GANC: variants seen among roughly 807,000 people sequenced by gnomAD.
GANC encodes the protein neutral alpha-glucosidase C.
GANC carries 117 observed loss-of-function variants against 124.2 expected under a neutral mutation model. That is an observed-to-expected ratio of 0.94 (90% CI 0.81 to 1.10). The LOEUF (loss-of-function observed/expected upper bound fraction) is 1.10, where lower values mean the gene tolerates loss of function less well. Ranked by LOEUF, GANC falls within the 50% of genes least tolerant of loss-of-function variation. GANC has a pLI of 0.00. For synonymous variants in GANC, 377 were observed against 376.8 expected (o/e 1.00, Z -0.01); for missense variants, 1,140 against 1,095.0 (o/e 1.04, Z -0.58).
At chr15:42,283,823 C>T (rs774166789) in intron 3 of GANC, 1 of 702,592 alleles carries the variant, frequency 1.4e-6, no homozygotes, top group South Asian at 1.5e-5. Flanking sequence ...CAGGAACAGG[C>T]AGCTAATTTG....
chr15:42,310,557 C>T (rs2052040881), intron 9 of GANC, 94 bp downstream of exon 9: 1 of 1,453,316 alleles, frequency 6.9e-7, no homozygotes, highest in African/African-American at 1.4e-5. Flanking sequence ...TGGCACTTCT[C>T]TGCCAACAAA....
Position 42,280,400 on chromosome 15 carries a change from G to A in GANC, c.201+1810G>A, listed in dbSNP as rs17694565. On this transcript the variant is annotated intron_variant, in intron 3 of 23. Coordinates refer to ENST00000318010, the MANE Select transcript of GANC (RefSeq NM_198141.3). ...TAGCCTAGTTTGGTAACTGTTCATG[G>A]AGAAAAAAATGGGACAGCACTAATT... is the stretch of plus-strand genomic sequence containing the variant. Among the ~76,000 whole-genome samples, 651 of 152,022 alleles carry A rather than the reference G, an allele frequency of 4.3e-3. 10 individuals are homozygous for A. The highest frequency in any genetic ancestry group is 0.032 in the South Asian group (154 of 4,826).
At position 42,274,375 on chromosome 15, in the gene GANC, T is replaced by A; in HGVS notation, c.-107T>A. On this transcript the variant is annotated 5_prime_UTR_variant, in exon 1 of 24. It removes an upstream start codon present in the reference 5' UTR. Coordinates refer to ENST00000318010, the MANE Select transcript of GANC (RefSeq NM_198141.3). ...GACTCCCTTCCCAGAAACTTGACGA[T>A]GAAGTACTGGTTGTAATTTTAGAAA... The A allele has an allele frequency of 8.6e-7, 1 of 1,160,806 alleles. No individual in the cohort carries two copies. Among genetic ancestry groups the A allele is most frequent in the Non-Finnish European group, 1.2e-6 (1 of 802,046 alleles). 71.9% of individuals were successfully genotyped at this position (1,160,806 alleles called of 1,614,324 possible). A position where few individuals can be genotyped will look rare whatever the true frequency, so the allele number is the denominator to read the frequency against.
chr15:42,310,752 T>C lies in GANC; in HGVS notation c.963T>C (p.His321=), dbSNP rs2052043175. The change falls in exon 10 of 24, where the codon CAT becomes CAC. Residue 321 remains histidine (H), a synonymous_variant. Transcript: ENST00000318010. ...AAKQKVRSRT[H]VHWMSESGII... ...AACAAAAGGTCAGATCTCGCACTCA[T>C]GTGCACTGGATGTCAGAGAGTGGCA... is the stretch of plus-strand genomic sequence containing the variant. The C allele has an allele frequency of 6.2e-7, 1 of 1,614,148 alleles. No homozygotes were observed. Among genetic ancestry groups the C allele is most frequent in the Non-Finnish European group, 8.5e-7 (1 of 1,179,992 alleles).
chr15:42,328,803 G>A (rs2578651), intron 13 of GANC, among the ~76,000 whole-genome samples: 147,671 of 152,320 alleles, frequency 0.97, 71,699 homozygotes, highest in Non-Finnish European at 1. Context: ...AAACTGAACA[G>A]TTCTGTGTAG....
intron 18 of GANC, among the ~76,000 whole-genome samples, chr15:42,342,521 G>A (rs370939913): frequency 6.6e-6 from 1 of 152,176 alleles, no homozygotes; most frequent in East Asian, 1.9e-4. Context: ...GTTAGAGGTT[G>A]CAGTAAGCTG....
chr15:42,295,948 C>A (rs2051887800), intron 5 of GANC, among the ~76,000 whole-genome samples: 1 of 152,048 alleles, frequency 6.6e-6, no homozygotes, highest in Non-Finnish European at 1.5e-5. Context: ...TTGAGACCAG[C>A]CTGGCCAACA....
intron 16 of GANC, 134 bp downstream of exon 16, chr15:42,338,624 A>G: frequency 2.9e-6 from 2 of 685,036 alleles, no homozygotes; most frequent in Admixed American, 4.7e-5. Context: ...AATGTGAGAA[A>G]GTGAAGAGGA....
intron 22 of GANC, among the ~76,000 whole-genome samples, 156 bp downstream of exon 22, chr15:42,349,651 T>A (rs1390116768): frequency 6.6e-6 from 1 of 152,056 alleles, no homozygotes; most frequent in African/African-American, 2.4e-5. Flanking sequence ...TCTTTTCTTT[T>A]CTTTTTTTTT....
chr15:42,291,013 A>G (rs1284154499), intron 4 of GANC, among the ~76,000 whole-genome samples: 1 of 151,886 alleles, frequency 6.6e-6, no homozygotes. Context: ...GGGGATTCCA[A>G]TTCTCCTGTG....
At chr15:42,343,186 G>A in intron 19 of GANC, 32 bp downstream of exon 19, 1 of 1,554,692 alleles carries the variant, frequency 6.4e-7, no homozygotes, top group Non-Finnish European at 8.9e-7. Flanking sequence ...TATCTGATAT[G>A]TCTCATATCT....
At chr15:42,311,420 G>C (rs2052048671) in intron 10 of GANC, among the ~76,000 whole-genome samples, 1 of 152,144 alleles carries the variant, frequency 6.6e-6, no homozygotes, top group South Asian at 2.1e-4. Flanking sequence ...AAAATTACTA[G>C]AGGTAGTAAA....
intron 5 of GANC, among the ~76,000 whole-genome samples, chr15:42,294,091 C>G (rs1478796291): frequency 1.3e-5 from 2 of 151,136 alleles, no homozygotes; most frequent in Non-Finnish European, 2.9e-5. Context: ...CTTTTGTAAA[C>G]CCCGATGATT....
At chr15:42,351,942 A>G in intron 23 of GANC, 88 bp from the exon 24 acceptor site, 1 of 1,525,226 alleles carries the variant, frequency 6.6e-7, no homozygotes, top group Non-Finnish European at 8.9e-7. Context: ...TTTATGATAC[A>G]GTGAGAAAAC....
At chr15:42,303,014 G>A (rs1183530652) in intron 6 of GANC, among the ~76,000 whole-genome samples, 1 of 152,092 alleles carries the variant, frequency 6.6e-6, no homozygotes, top group East Asian at 1.9e-4. Context: ...ACACCACAAA[G>A]ATACTACTCC....
chr15:42,343,197 C>G, intron 19 of GANC, 43 bp downstream of exon 19: 1 of 1,495,888 alleles, frequency 6.7e-7, no homozygotes, highest in African/African-American at 1.4e-5. Context: ...TCTCATATCT[C>G]TCATCCCTTC....
intron 4 of GANC, 124 bp downstream of exon 4, chr15:42,287,942 G>T: frequency 4.3e-6 from 4 of 925,662 alleles, no homozygotes; most frequent in South Asian, 2.1e-5. Flanking sequence ...CATTTAGGTT[G>T]GTGTAAAAGT....
chr15:42,337,477 T>G (rs1366147211), intron 15 of GANC, among the ~76,000 whole-genome samples: 1 of 152,174 alleles, frequency 6.6e-6, no homozygotes, highest in African/African-American at 2.4e-5. Flanking sequence ...AAATACCACA[T>G]GTTCTCACTT....
intron 11 of GANC, among the ~76,000 whole-genome samples, chr15:42,324,994 TG>T (rs1384871837): frequency 6.6e-6 from 1 of 152,040 alleles, no homozygotes; most frequent in Non-Finnish European, 1.5e-5. Context: ...CTGGGTGCGG[TG>T]GCTCACACCT....
Sources: gnomAD v4.1 joint callset for allele counts (sites outside exome capture counted in the v4.1 genomes callset) on GRCh38, gnomAD v4.1.1 for gene constraint, MANE v1.5 for transcripts, NCBI Gene and HGNC (gene_info 2026-07-23, HGNC 2026-07-21) for gene names.